NAV2: variants seen among roughly 807,000 people sequenced by gnomAD.
NAV2 encodes the protein helicase, APC down-regulated 1.
Under a neutral mutation model 223.2 loss-of-function variants are expected in NAV2, and 54 were observed. That is an observed-to-expected ratio of 0.24 (90% CI 0.19 to 0.30). The LOEUF is 0.30. Ranked by LOEUF, NAV2 falls within the 10% of genes least tolerant of loss-of-function variation. The probability of loss-of-function intolerance (pLI) is 1.00; values close to 1 mark genes in which losing one functional copy is unlikely to be tolerated. For missense variants in NAV2, 2,806 were observed against 3,147.5 expected (o/e 0.89, Z 2.60); for synonymous variants, 1,279 against 1,239.3 (o/e 1.03, Z -0.67).
chr11:19,813,564 G>A (rs1421918182), intron 1 of NAV2, among the ~76,000 whole-genome samples: 1 of 152,192 alleles, frequency 6.6e-6, no homozygotes, highest in African/African-American at 2.4e-5. Context: ...TGGAGTCAGG[G>A]CTGGGGGCCA....
chr11:20,033,636 C>T (rs1453959534), intron 11 of NAV2, among the ~76,000 whole-genome samples: 1 of 152,188 alleles, frequency 6.6e-6, no homozygotes, highest in Non-Finnish European at 1.5e-5. Context: ...TGGGACCACC[C>T]TCACATTCCC....
intron 37 of NAV2, among the ~76,000 whole-genome samples, chr11:20,115,631 CA>C (rs386373266): frequency 0.054 from 2,556 of 47,500 alleles, 55 homozygotes; most frequent in East Asian, 0.36. Flanking sequence ...GACTCCGTCT[CA>C]AAAAAAAAAA....
intron 6 of NAV2, among the ~76,000 whole-genome samples, chr11:19,926,569 G>C (rs571210654): frequency 6.6e-6 from 1 of 151,780 alleles, no homozygotes; most frequent in African/African-American, 2.4e-5. Flanking sequence ...TGGCTACCAG[G>C]TTGTCAAGAA....
chr11:19,837,315 G>A (rs1481660833), intron 2 of NAV2, among the ~76,000 whole-genome samples: 1 of 152,204 alleles, frequency 6.6e-6, no homozygotes, highest in Admixed American at 6.5e-5. Flanking sequence ...GACTGATAGA[G>A]GGAGTTGCAG....
intron 1 of NAV2, among the ~76,000 whole-genome samples, chr11:19,772,018 G>A (rs1240169488): frequency 2.0e-5 from 3 of 152,164 alleles, no homozygotes; most frequent in Non-Finnish European, 4.4e-5. Context: ...CTTGTCGCTG[G>A]CTTGTGGACA....
At chr11:19,424,309 T>G (rs1313126714) in intron 1 of NAV2, among the ~76,000 whole-genome samples, 3 of 152,228 alleles carry the variant, frequency 2.0e-5, no homozygotes, top group Non-Finnish European at 2.9e-5. Flanking sequence ...CTAAGTATTA[T>G]TTGCTGCTTC....
chr11:19,825,404 T>TGAG (rs2059600050), intron 1 of NAV2, among the ~76,000 whole-genome samples: 1 of 143,554 alleles, frequency 7.0e-6, no homozygotes, highest in Non-Finnish European at 1.5e-5. Flanking sequence ...TTACAATCAA[T>TGAG]CCACTGGAAA....
chr11:19,462,903 C>T (rs1180329711), intron 1 of NAV2, among the ~76,000 whole-genome samples: 2 of 152,218 alleles, frequency 1.3e-5, no homozygotes, highest in Non-Finnish European at 2.9e-5. Flanking sequence ...CCTATATCAG[C>T]TCTGTTTCCA....
At chr11:19,827,472 C>A (rs1210737696) in intron 1 of NAV2, among the ~76,000 whole-genome samples, 3 of 152,102 alleles carry the variant, frequency 2.0e-5, no homozygotes, top group African/African-American at 7.2e-5. Context: ...CCAGCCGCTG[C>A]CTTATAATAT....
chr11:20,105,489 A>G (rs1476374250), intron 34 of NAV2, 42 bp from the exon 35 acceptor site: 1 of 1,549,438 alleles, frequency 6.5e-7, no homozygotes, highest in South Asian at 1.2e-5. Flanking sequence ...CATCATTTGG[A>G]TCACCATCAT....
intron 1 of NAV2, among the ~76,000 whole-genome samples, chr11:19,514,959 A>C (rs1213511795): frequency 6.6e-6 from 1 of 152,172 alleles, no homozygotes; most frequent in Non-Finnish European, 1.5e-5. Context: ...GGGAGTTTGG[A>C]AATCTAGGTT....
chr11:19,787,079 A>C (rs540206817), intron 1 of NAV2, among the ~76,000 whole-genome samples: 170 of 152,078 alleles, frequency 1.1e-3, no homozygotes, highest in Middle Eastern at 0.01. Flanking sequence ...TCTGGGTGCC[A>C]GATTGCTGCA....
chr11:20,023,201 T>C, intron 11 of NAV2: 4 of 1,351,318 alleles, frequency 3.0e-6, no homozygotes, highest in Non-Finnish European at 4.0e-6. Flanking sequence ...TTGTCTTCCT[T>C]GGCCGGTATT....
chr11:19,490,037 G>A (rs1217732160), intron 1 of NAV2, among the ~76,000 whole-genome samples: 1 of 152,154 alleles, frequency 6.6e-6, no homozygotes, highest in African/African-American at 2.4e-5. Context: ...TTATATTTAT[G>A]CTATATTATA....
intron 1 of NAV2, among the ~76,000 whole-genome samples, chr11:19,373,225 G>A (rs1848530231): frequency 6.6e-6 from 1 of 151,988 alleles, no homozygotes; most frequent in Non-Finnish European, 1.5e-5. Context: ...TCTTATTTAG[G>A]CTTTTGGCCT....
At chr11:19,676,127 ATTT>A (rs2048704989) in intron 1 of NAV2, among the ~76,000 whole-genome samples, 1 of 151,822 alleles carries the variant, frequency 6.6e-6, no homozygotes, top group Non-Finnish European at 1.5e-5. Context: ...CAGCTGTTTG[ATTT>A]CTCTCATTTA....
chr11:20,025,235 G>A (rs142066449), intron 11 of NAV2, among the ~76,000 whole-genome samples: 19 of 152,324 alleles, frequency 1.2e-4, no homozygotes, highest in African/African-American at 4.6e-4. Context: ...GTGTTTATGG[G>A]ATGGTGCTTA....
intron 1 of NAV2, among the ~76,000 whole-genome samples, chr11:19,784,225 C>T (rs2056945896): frequency 6.6e-6 from 1 of 151,488 alleles, no homozygotes. Flanking sequence ...CTCGTCTCTA[C>T]TAAAAATACA....
chr11:20,078,006 A>G lies in NAV2; in HGVS notation c.5081A>G (p.Asn1694Ser). The G allele has an allele frequency of 2.5e-6, 4 of 1,613,394 alleles. No individual in the cohort carries two copies. The highest frequency in any genetic ancestry group is 3.4e-6 in the Non-Finnish European group (4 of 1,179,464). The change falls in exon 24 of 38, where the codon AAT (asparagine) becomes AGT (serine). Residue 1694 changes from asparagine (N) to serine (S), a missense_variant. Asn to Ser is a conservative substitution (Grantham distance 46). Coordinates refer to ENST00000349880, the MANE Select transcript of NAV2 (RefSeq NM_145117.5). ...MTAEQKDSEL[N>S]ELRKTIELLK... ...TCTGTTCCCTAGGACTCAGAACTGA[A>G]TGAGTTAAGAAAAACCATTGAGCTG...
Sources: gnomAD v4.1 joint callset for allele counts (sites outside exome capture counted in the v4.1 genomes callset) on GRCh38, gnomAD v4.1.1 for gene constraint, MANE v1.5 for transcripts, NCBI Gene and HGNC (gene_info 2026-07-23, HGNC 2026-07-21) for gene names.